DSCAM: variants seen among roughly 807,000 people sequenced by gnomAD.
DSCAM encodes the protein cell adhesion molecule DSCAM.
DSCAM carries 47 observed loss-of-function variants against 217.7 expected under a neutral mutation model. That is an observed-to-expected ratio of 0.22 (90% confidence interval 0.17 to 0.28). The LOEUF is 0.28. DSCAM is among the 10% of genes least tolerant of loss of function. The pLI is 1.00. For synonymous variants in DSCAM, 1,056 were observed against 1,015.3 expected (o/e 1.04, Z -0.76); for missense variants, 2,080 against 2,618.3 (o/e 0.79, Z 4.49).
chr21:40,209,383 G>A (rs1431262873), intron 11 of DSCAM, among the ~76,000 whole-genome samples: 3 of 152,134 alleles, frequency 2.0e-5, no homozygotes, highest in Non-Finnish European at 4.4e-5. Flanking sequence ...GGCGATGCCT[G>A]CACACACAAG....
At chr21:40,244,049 G>T (rs577452709) in intron 11 of DSCAM, among the ~76,000 whole-genome samples, 1 of 152,144 alleles carries the variant, frequency 6.6e-6, no homozygotes, top group African/African-American at 2.4e-5. Flanking sequence ...ACAAGGAGGA[G>T]ACCATTTTTA....
chr21:40,586,244 C>G (rs773057748), intron 3 of DSCAM, among the ~76,000 whole-genome samples: 3 of 152,176 alleles, frequency 2.0e-5, no homozygotes, highest in Non-Finnish European at 4.4e-5. Flanking sequence ...AGCCTGAAGC[C>G]CACACCAAAA....
chr21:40,424,777 G>C (rs2075456391), intron 3 of DSCAM, among the ~76,000 whole-genome samples: 1 of 152,102 alleles, frequency 6.6e-6, no homozygotes, highest in Non-Finnish European at 1.5e-5. Flanking sequence ...ATCTAAATAA[G>C]CTGTGTGAGT....
At chr21:40,640,578 C>G (rs1415373552) in intron 3 of DSCAM, among the ~76,000 whole-genome samples, 3 of 152,096 alleles carry the variant, frequency 2.0e-5, no homozygotes, top group African/African-American at 7.2e-5. Flanking sequence ...TAATGGATAA[C>G]CGATGACTGA....
intron 26 of DSCAM, 80 bp downstream of exon 26, chr21:40,078,607 T>A (rs2089403658): frequency 2.0e-6 from 3 of 1,534,938 alleles, no homozygotes; most frequent in Non-Finnish European, 2.6e-6. Context: ...GCAAAGATGA[T>A]GTTCGATGGG....
At chr21:40,109,024 G>A (rs2089859917) in intron 20 of DSCAM, among the ~76,000 whole-genome samples, 1 of 152,186 alleles carries the variant, frequency 6.6e-6, no homozygotes. Flanking sequence ...AAATGTAAAT[G>A]TAAAACCTAA....
chr21:40,511,570 A>G (rs1473164641), intron 3 of DSCAM, among the ~76,000 whole-genome samples: 2 of 152,218 alleles, frequency 1.3e-5, no homozygotes, highest in Admixed American at 1.3e-4. Flanking sequence ...TGTTGTTTTC[A>G]GTTCTAATAT....
chr21:40,617,217 A>G (rs1263270385), intron 3 of DSCAM, among the ~76,000 whole-genome samples: 1 of 136,566 alleles, frequency 7.3e-6, no homozygotes, highest in Non-Finnish European at 1.5e-5. Context: ...TCCCCCTCCC[A>G]GGTTCACGCC....
intron 8 of DSCAM, among the ~76,000 whole-genome samples, chr21:40,324,161 A>G (rs1008717913): frequency 6.6e-6 from 1 of 151,246 alleles, no homozygotes; most frequent in Admixed American, 6.6e-5. Context: ...GAGAAAAGGA[A>G]ATAAAAGGAA....
intron 3 of DSCAM, among the ~76,000 whole-genome samples, chr21:40,584,015 A>T (rs532732774): frequency 6.6e-6 from 1 of 152,298 alleles, no homozygotes; most frequent in African/African-American, 2.4e-5. Context: ...ATGAGGCAAA[A>T]TTGCCAGTGT....
intron 8 of DSCAM, among the ~76,000 whole-genome samples, chr21:40,331,673 T>TAA (rs371841803): frequency 1.3e-5 from 2 of 152,074 alleles, no homozygotes; most frequent in Non-Finnish European, 2.9e-5. Context: ...GAGGACATGG[T>TAA]AAAAAAATGC....
intron 9 of DSCAM, among the ~76,000 whole-genome samples, chr21:40,296,792 T>C (rs1218913085): frequency 7.3e-6 from 1 of 137,274 alleles, no homozygotes; most frequent in Admixed American, 7.8e-5. Flanking sequence ...GATAATGCCA[T>C]TGCACTCCAG....
chr21:40,090,721 A>C (rs1814845973), intron 21 of DSCAM, among the ~76,000 whole-genome samples: 1 of 151,982 alleles, frequency 6.6e-6, no homozygotes, highest in Admixed American at 6.5e-5. Flanking sequence ...TCTCATTCCC[A>C]TCCCAGGTGT....
intron 4 of DSCAM, among the ~76,000 whole-genome samples, chr21:40,359,207 C>A (rs550602783): frequency 6.6e-6 from 1 of 152,294 alleles, no homozygotes; most frequent in East Asian, 1.9e-4. Context: ...CACACATATA[C>A]ATCTCACGTA....
At chr21:40,467,930 C>CAAAAAAAAAAAA (rs56379350) in intron 3 of DSCAM, among the ~76,000 whole-genome samples, 12 of 84,384 alleles carry the variant, frequency 1.4e-4, no homozygotes, top group African/African-American at 5.6e-4. Context: ...AAAGATTAAC[C>CAAAAAAAAAAAA]AAAAAAAAAA....
rs370721250 is a variant in DSCAM at position 40,321,712 on chromosome 21, T to C, written c.1784-9353A>G. Among the ~76,000 whole-genome samples the C allele has an allele frequency of 5.9e-5, 9 of 152,066 alleles. No homozygotes were observed. In the East Asian group the frequency reaches 9.7e-4, roughly 16 times the overall value. On this transcript the variant is annotated intron_variant, in intron 8 of 32. Transcript: ENST00000400454. ...AAACATTGCTGCGAGCATTTACCTC[T>C]GCTCCAACACCTTTAGGATTCAGCA... is the stretch of plus-strand genomic sequence containing the variant.
At chr21:40,180,396 C>T (rs118008176) in intron 14 of DSCAM, among the ~76,000 whole-genome samples, 37 of 152,050 alleles carry the variant, frequency 2.4e-4, no homozygotes, top group Non-Finnish European at 5.0e-4. Flanking sequence ...ATGAATATTG[C>T]AGTTAGAAGG....
chr21:40,140,193 G>T (rs1385070771), intron 18 of DSCAM, among the ~76,000 whole-genome samples: 1 of 152,052 alleles, frequency 6.6e-6, no homozygotes, highest in African/African-American at 2.4e-5. Flanking sequence ...GTGACCATTC[G>T]CAGGCAGGTT....
intron 3 of DSCAM, among the ~76,000 whole-genome samples, chr21:40,518,575 TACACACACATATAC>T (rs1432980574): frequency 2.3e-5 from 2 of 85,752 alleles, no homozygotes; most frequent in Non-Finnish European, 3.9e-5. Flanking sequence ...CATATATACA[TACACACACATATAC>T]ACACACACAT....
Sources: allele counts gnomAD v4.1 joint callset (sites outside exome capture counted in the v4.1 genomes callset), GRCh38; gene constraint gnomAD v4.1.1; transcripts MANE v1.5; gene names NCBI Gene and HGNC (gene_info 2026-07-23, HGNC 2026-07-21).